PCDHGB7: variants seen among roughly 807,000 people sequenced by gnomAD.
PCDHGB7 encodes protocadherin gamma-B7.
In PCDHGB7, 37 loss-of-function variants were observed where a neutral mutation model predicts 61.4. The ratio of observed to expected loss-of-function variants is 0.60; its 90% CI spans 0.46 to 0.79. The LOEUF is 0.79. PCDHGB7 is among the 30% of genes least tolerant of loss of function. The pLI is 0.00. For synonymous variants in PCDHGB7, 464 were observed against 503.5 expected (o/e 0.92, Z 1.05); for missense variants, 1,166 against 1,202.5 (o/e 0.97, Z 0.45).
intron 1 of PCDHGB7, among the ~76,000 whole-genome samples, chr5:141,453,095 G>T (rs1254113352): frequency 6.6e-6 from 1 of 151,962 alleles, no homozygotes; most frequent in African/African-American, 2.4e-5. Flanking sequence ...TATATTTTCT[G>T]TTGCTTTTTT....
At position 141,494,824 on chromosome 5, in the gene PCDHGB7, G is replaced by C; in HGVS notation, c.2433G>C (p.Thr811=). 6.2e-7 allele frequency: 1 copy of C among 1,614,042 alleles called. No individual in the cohort carries two copies. Among genetic ancestry groups the C allele is most frequent in the East Asian group, 2.2e-5 (1 of 44,866 alleles). The change falls in exon 2 of 4, where the codon ACG becomes ACC. Residue 811 remains threonine, a synonymous_variant. Transcript: ENST00000398594. The part of the protein sequence containing the change: ...KILKQQAPPN[T]DWRFSQAQRP... ...CTCCACAGCAAGCCCCGCCCAACAC[G>C]GACTGGCGTTTCTCTCAGGCCCAGA...
At chr5:141,437,999 C>T (rs1230507077) in intron 1 of PCDHGB7, among the ~76,000 whole-genome samples, 1 of 152,062 alleles carries the variant, frequency 6.6e-6, no homozygotes, top group African/African-American at 2.4e-5. Flanking sequence ...CCTCAGCCTC[C>T]CAAATAGCTG....
Position 141,491,711 on chromosome 5 carries a change from C to A in PCDHGB7, c.2416-3096C>A, listed in dbSNP as rs528931820. ...CGGGAGCGGAGCCAGGTGAGGGGCT[C>A]GGCGCCGCCCCGGGCGACCCCTGGG... On this transcript the variant is annotated intron_variant, in intron 1 of 3. Coordinates refer to ENST00000398594, the MANE Select transcript of PCDHGB7 (RefSeq NM_018927.4). The surrounding 1 kb of genome is among the most constrained non-coding windows in gnomAD (Gnocchi z 6.9). 1.3e-4 allele frequency: 217 copies of A among 1,609,356 alleles called. 3 individuals are homozygous for A. In the South Asian group the frequency reaches 2.2e-3, roughly 17 times the overall value.
At position 141,485,677 on chromosome 5, in the gene PCDHGB7, C is replaced by T. The variant is rs757797282; in HGVS notation, c.2416-9130C>T. ...CAGATGTGGGGAGCAATTCGATTAG[C>T]AGCTATAGGCTGAGCTCCAATGAAC... On this transcript the variant is annotated intron_variant, in intron 1 of 3. Transcript: ENST00000398594. This position sits in a 1 kb window ranked among gnomAD's most constrained non-coding sequence, Gnocchi z 5.7. 2.4e-5 allele frequency: 38 copies of T among 1,612,714 alleles called. No individual in the cohort carries two copies. In the East Asian group the frequency reaches 7.8e-4, roughly 33 times the overall value.
intron 1 of PCDHGB7, among the ~76,000 whole-genome samples, chr5:141,430,341 C>T (rs766664177): frequency 1.4e-4 from 21 of 149,938 alleles, no homozygotes; most frequent in Non-Finnish European, 2.8e-4. Context: ...TAGAAACTTC[C>T]AATTCATTTA....
Position 141,430,120 on chromosome 5 carries a change from G to A in PCDHGB7, c.2415+9846G>A, listed in dbSNP as rs73280905. Among the ~76,000 whole-genome samples, 1,257 of 152,134 alleles carry A rather than the reference G, an allele frequency of 8.3e-3. 17 individuals are homozygous for A. Among genetic ancestry groups the A allele is most frequent in the African/African-American group, 0.029 (1,193 of 41,506 alleles). Reference sequence around the variant, plus strand: ...TTAAGCGTTACATGTCAACAACCTGGTAAAGTAATCCTTCCATTCAGGATC... The same window carrying A: ...TTAAGCGTTACATGTCAACAACCTGATAAAGTAATCCTTCCATTCAGGATC... On this transcript the variant is annotated intron_variant, in intron 1 of 3. Coordinates refer to ENST00000398594, the MANE Select transcript of PCDHGB7 (RefSeq NM_018927.4).
At chr5:141,510,519 C>A (rs182721864) in intron 3 of PCDHGB7, among the ~76,000 whole-genome samples, 1 of 152,260 alleles carries the variant, frequency 6.6e-6, no homozygotes, top group East Asian at 1.9e-4. Context: ...CGTGTCACAG[C>A]CCTGAGAGAA....
At chr5:141,505,259 C>T in intron 2 of PCDHGB7, 134 bp from the exon 3 acceptor site, 2 of 1,500,262 alleles carry the variant, frequency 1.3e-6, no homozygotes, top group Admixed American at 2.0e-5. Flanking sequence ...GTGCCTCCTA[C>T]CTTGCTGAGA....
Position 141,417,772 on chromosome 5 carries a change from C to A in PCDHGB7, c.-88C>A, listed in dbSNP as rs2240701. On this transcript the variant is annotated 5_prime_UTR_variant, in exon 1 of 4. The change creates a new upstream start codon in the 5' untranslated region. Transcript: ENST00000398594. ...CCAGCTCCGAGACCCGGGACTCCTC[C>A]TGTCCTGGGCCGAATGCTCTTTTAG... The A allele has an allele frequency of 0.23, 340,590 of 1,455,726 alleles. 43,476 individuals carry two copies. The highest frequency in any genetic ancestry group is 0.5 in the African/African-American group (35,388 of 70,196). 90.2% of individuals were successfully genotyped at this position (1,455,726 alleles called of 1,614,324 possible).
At chr5:141,497,677 C>T in intron 2 of PCDHGB7, among the ~76,000 whole-genome samples, 1 of 151,836 alleles carries the variant, frequency 6.6e-6, no homozygotes, top group East Asian at 1.9e-4. Context: ...GTAGCTGGGA[C>T]AGCAGGTGTG....
At chr5:141,472,855 A>C (rs1179268125) in intron 1 of PCDHGB7, among the ~76,000 whole-genome samples, 3 of 151,078 alleles carry the variant, frequency 2.0e-5, no homozygotes, top group African/African-American at 7.3e-5. Flanking sequence ...GCATGGTGGC[A>C]CATGCCTGTA....
intron 1 of PCDHGB7, 100 bp from the exon 2 acceptor site, chr5:141,494,707 G>A: frequency 2.5e-6 from 4 of 1,599,238 alleles, no homozygotes; most frequent in Non-Finnish European, 3.4e-6. Context: ...TCTTCTCTGT[G>A]CCCACTCCCC....
intron 1 of PCDHGB7, among the ~76,000 whole-genome samples, chr5:141,470,896 T>C (rs1370454369): frequency 6.6e-6 from 1 of 151,980 alleles, no homozygotes; most frequent in Non-Finnish European, 1.5e-5. Context: ...TTTTGTTTTT[T>C]GTAGAGATGG....
In PCDHGB7 at chr5:141,435,388, G is replaced by T. The variant is rs186494703; in HGVS notation, c.2415+15114G>T. Among the ~76,000 whole-genome samples, 241 of 152,094 alleles carry T rather than the reference G, an allele frequency of 1.6e-3. 5 individuals carry two copies. Among genetic ancestry groups the T allele is most frequent in the Non-Finnish European group, 2.1e-4 (14 of 67,992 alleles). The stretch of plus-strand genomic sequence containing the variant: ...ACTTAAATATACAATATACCGTATT[G>T]CCATGACGAAAAATGGTAAAGACTA... On this transcript the variant is annotated intron_variant, in intron 1 of 3. Transcript: ENST00000398594.
chr5:141,458,918 A>C (rs1173274380), intron 1 of PCDHGB7, among the ~76,000 whole-genome samples: 1 of 152,022 alleles, frequency 6.6e-6, no homozygotes, highest in Non-Finnish European at 1.5e-5. Context: ...TTTTTTGTGG[A>C]GACGGGGTCT....
chr5:141,438,631 TATATACACACAC>T (rs1290318462), intron 1 of PCDHGB7, among the ~76,000 whole-genome samples: 214 of 43,192 alleles, frequency 5.0e-3, no homozygotes, highest in Non-Finnish European at 6.1e-3. Flanking sequence ...TATATATATA[TATATACACACAC>T]ACACACACAT....
rs140916255 is a variant in PCDHGB7, at chr5:141,475,995, C to A, written c.2416-18812C>A. 2,057 of 1,172,604 alleles carry A rather than the reference C, an allele frequency of 1.8e-3. 30 individuals carry two copies. The African/African-American group carries it at 0.027, about 16-fold the overall frequency. 72.6% of individuals were successfully genotyped at this position (1,172,604 alleles called of 1,614,324 possible). ...ACTGAACAGCCGGCGAGCAAATCAA[C>A]GGCATCCAGAAAGCCATGTCGGACT... On this transcript the variant is annotated intron_variant, in intron 1 of 3. Coordinates refer to ENST00000398594, the MANE Select transcript of PCDHGB7 (RefSeq NM_018927.4).
intron 1 of PCDHGB7, among the ~76,000 whole-genome samples, chr5:141,468,952 G>GTT (rs34870721): frequency 3.3e-5 from 5 of 151,198 alleles, no homozygotes; most frequent in Admixed American, 6.6e-5. Flanking sequence ...TAAACCTGTG[G>GTT]TTTTTTTTAC....
At chr5:141,448,415 T>C (rs1286455437) in intron 1 of PCDHGB7, among the ~76,000 whole-genome samples, 2 of 152,158 alleles carry the variant, frequency 1.3e-5, no homozygotes, top group African/African-American at 2.4e-5. Context: ...ATCAAAACAA[T>C]ATACTATGTA....
Sources: gnomAD v4.1 joint callset for allele counts (sites outside exome capture counted in the v4.1 genomes callset) on GRCh38, gnomAD v4.1.1 for gene constraint, Gnocchi (gnomAD v3.1) non-coding constraint, MANE v1.5 for transcripts, NCBI Gene and HGNC (gene_info 2026-07-23, HGNC 2026-07-21) for gene names.